The following DCAF8L2 variants were observed in gnomAD, a reference collection of about 807,000 sequenced individuals.
The protein encoded by DCAF8L2 is DDB1- and CUL4-associated factor 8-like protein 2.
For missense variants in DCAF8L2, 430 were observed against 490.7 expected, an observed-to-expected ratio of 0.88 and a Z score of 1.17; for synonymous variants, 200 against 190.9, an observed-to-expected ratio of 1.05 and a Z score of -0.39.
intron 1 of DCAF8L2, among the ~76,000 whole-genome samples, chrX:27,602,128 C>T (rs1009483847): frequency 9.0e-6 from 1 of 110,899 alleles, no homozygotes; most frequent in Non-Finnish European, 1.9e-5. Context: ...GCAAGTCTCC[C>T]GGGTTCAAGC....
chrX:27,570,281 G>A, the DCAF8L2 span, among the ~76,000 whole-genome samples: 1 of 111,033 alleles, frequency 9.0e-6, no homozygotes, highest in Non-Finnish European at 1.9e-5. Flanking sequence ...GAGTAGAAAA[G>A]TAAGTGGACA....
chrX:27,542,756 A>G, the DCAF8L2 span, among the ~76,000 whole-genome samples: 6 of 108,153 alleles, frequency 5.5e-5, no homozygotes, highest in African/African-American at 1.7e-4. Flanking sequence ...TTTAGCCGGG[A>G]TGGTCTCGAT....
At chrX:27,514,352 A>C in the DCAF8L2 span, among the ~76,000 whole-genome samples, 30 of 102,053 alleles carry the variant, frequency 2.9e-4, no homozygotes, top group African/African-American at 1.0e-3. Flanking sequence ...CACACACACA[A>C]TGGAATACTA....
upstream of DCAF8L2, among the ~76,000 whole-genome samples, chrX:27,587,986 ATATATATAT>A (rs200920429): frequency 0.27 from 13,782 of 51,677 alleles, 924 homozygotes; most frequent in East Asian, 0.49. Flanking sequence ...AAAAAAAAAA[ATATATATAT>A]ATATATATAT....
intron 4 of DCAF8L2, among the ~76,000 whole-genome samples, chrX:27,734,263 G>A (rs1921394287): frequency 9.0e-6 from 1 of 111,292 alleles, no homozygotes; most frequent in Non-Finnish European, 1.9e-5. Context: ...GTTTGCAGAT[G>A]CCTGGTCCAA....
At chrX:27,643,432 CTTGTT>C (rs1928817853) in intron 2 of DCAF8L2, among the ~76,000 whole-genome samples, 2 of 111,420 alleles carry the variant, frequency 1.8e-5, no homozygotes, top group Non-Finnish European at 3.8e-5. Context: ...TTTTTGTACT[CTTGTT>C]TTGAGAAAAA....
Position 27,749,147 on chromosome X carries a change from T to C in DCAF8L2, c.*356T>C, listed in dbSNP as rs1922442117. Among the ~76,000 whole-genome samples the C allele has an allele frequency of 8.9e-6, 1 of 111,955 alleles. No individual in the cohort carries two copies. The highest frequency in any genetic ancestry group is 3.7e-4 in the South Asian group (1 of 2,676). The stretch of plus-strand genomic sequence containing the variant: ...AATTAATACCCTTATTAGATGCATC[T>C]ACTCAAATCTGACAGTCTGAAAACG... On this transcript the variant is annotated 3_prime_UTR_variant, in exon 5 of 5. Transcript: ENST00000451261.
intron 3 of DCAF8L2, among the ~76,000 whole-genome samples, chrX:27,715,289 C>A (rs1241262988): frequency 9.3e-6 from 1 of 107,408 alleles, no homozygotes; most frequent in African/African-American, 3.4e-5. Flanking sequence ...ATGGCGTGAA[C>A]CCGGGAGGCG....
chrX:27,659,898 G>A (rs774861877), intron 2 of DCAF8L2, among the ~76,000 whole-genome samples: 1 of 111,100 alleles, frequency 9.0e-6, no homozygotes, highest in African/African-American at 3.3e-5. Flanking sequence ...AAATCATAAC[G>A]TTGGATTTCT....
the DCAF8L2 span, among the ~76,000 whole-genome samples, chrX:27,510,645 G>T: frequency 9.2e-6 from 1 of 109,255 alleles, no homozygotes; most frequent in Non-Finnish European, 1.9e-5. Flanking sequence ...TGGTTTCTAT[G>T]TAAGCTATAT....
At chrX:27,473,972 A>T in the DCAF8L2 span, among the ~76,000 whole-genome samples, 1 of 111,151 alleles carries the variant, frequency 9.0e-6, no homozygotes, top group Non-Finnish European at 1.9e-5. Flanking sequence ...AGCAAAAAAA[A>T]ATGATAAGAC....
chrX:27,505,256 C>A, the DCAF8L2 span, among the ~76,000 whole-genome samples: 13 of 110,975 alleles, frequency 1.2e-4, no homozygotes, highest in Non-Finnish European at 2.1e-4. Flanking sequence ...GATACGAACC[C>A]ATAGATGTAT....
intron 3 of DCAF8L2, among the ~76,000 whole-genome samples, chrX:27,713,913 A>G (rs1427969502): frequency 9.0e-6 from 1 of 111,498 alleles, no homozygotes; most frequent in Non-Finnish European, 1.9e-5. Flanking sequence ...GCAAGCCTTG[A>G]GAGGATCCAA....
the DCAF8L2 span, among the ~76,000 whole-genome samples, chrX:27,524,843 A>G: frequency 8.9e-6 from 1 of 111,857 alleles, no homozygotes; most frequent in African/African-American, 3.2e-5. Flanking sequence ...AGCGGTTTTG[A>G]GTGAGTTTCT....
chrX:27,542,615 T>A, the DCAF8L2 span, among the ~76,000 whole-genome samples: 1 of 85,577 alleles, frequency 1.2e-5, no homozygotes, highest in African/African-American at 4.4e-5. Flanking sequence ...GGATCTCGGC[T>A]CACTGCAAGC....
intron 1 of DCAF8L2, among the ~76,000 whole-genome samples, chrX:27,623,350 A>G (rs922453219): frequency 1.5e-4 from 17 of 111,628 alleles, no homozygotes; most frequent in African/African-American, 5.5e-4. Context: ...GAATGCAGAG[A>G]AGATGGAAAA....
At chrX:27,730,927 C>T (rs757606023) in intron 4 of DCAF8L2, among the ~76,000 whole-genome samples, 1 of 111,091 alleles carries the variant, frequency 9.0e-6, no homozygotes, top group Non-Finnish European at 1.9e-5. Context: ...CTCCCAATTT[C>T]GTATCACAGG....
chrX:27,724,903 A>G (rs1301983800), intron 4 of DCAF8L2, among the ~76,000 whole-genome samples: 1 of 111,147 alleles, frequency 9.0e-6, no homozygotes, highest in East Asian at 2.8e-4. Context: ...AGAACTACCT[A>G]TATGACATTA....
intron 1 of DCAF8L2, among the ~76,000 whole-genome samples, chrX:27,620,440 C>T (rs1927702599): frequency 9.0e-6 from 1 of 111,089 alleles, no homozygotes; most frequent in African/African-American, 3.3e-5. Flanking sequence ...AAAGGCACCC[C>T]AAAGAATGGG....
Sources: gnomAD v4.1 joint callset for allele counts (sites outside exome capture counted in the v4.1 genomes callset) on GRCh38, gnomAD v4.1.1 for gene constraint, MANE v1.5 for transcripts, NCBI Gene and HGNC (gene_info 2026-07-23, HGNC 2026-07-21) for gene names.